The following PCSK5 variants were observed in gnomAD, a reference collection of about 807,000 sequenced individuals.
The protein encoded by PCSK5 is proprotein convertase subtilisin/kexin type 5.
A neutral mutation model predicts 233.2 loss-of-function variants in PCSK5; 129 were observed. The ratio of observed to expected loss-of-function variants is 0.55; its 90% CI spans 0.48 to 0.64. The LOEUF is 0.64. Ranked by LOEUF, PCSK5 falls within the 30% of genes least tolerant of loss-of-function variation. The pLI is 0.00. For missense variants in PCSK5, 2,076 were observed against 2,430.1 expected (o/e 0.85, Z 3.06); for synonymous variants, 825 against 879.2 (o/e 0.94, Z 1.09).
intron 33 of PCSK5, among the ~76,000 whole-genome samples, chr9:76,330,144 T>C (rs1829484207): frequency 6.6e-6 from 1 of 152,172 alleles, no homozygotes; most frequent in Non-Finnish European, 1.5e-5. Flanking sequence ...CTCATCAAAA[T>C]TTCCCCTCCA....
rs775414817 is a variant in PCSK5 at position 76,175,194 on chromosome 9, G to A, written c.1900+65G>A. 25 of 1,432,064 alleles carry A rather than the reference G, an allele frequency of 1.7e-5. No homozygotes were observed. In the African/African-American group the frequency reaches 2.5e-4, roughly 14 times the overall value. 88.7% of individuals were successfully genotyped at this position (1,432,064 alleles called of 1,614,324 possible). Reference sequence around the variant, plus strand: ...AGCTCATGCATCATCCCACCACATGGGAGAACAGAATGGAATGGAATGGAA... The same window carrying A: ...AGCTCATGCATCATCCCACCACATGAGAGAACAGAATGGAATGGAATGGAA... On this transcript the variant is annotated intron_variant, in intron 14 of 37. Coordinates refer to ENST00000674117, the MANE Select transcript of PCSK5 (RefSeq NM_001372043.1).
chr9:76,185,755 T>TATTTATTAACTGTGTG (rs1824073589), intron 17 of PCSK5, among the ~76,000 whole-genome samples: 1 of 152,200 alleles, frequency 6.6e-6, no homozygotes, highest in African/African-American at 2.4e-5. Context: ...CCTCCTCTGC[T>TATTTATTAACTGTGTG]ATTTATTAAC....
At chr9:76,102,642 T>C (rs1403207247) in intron 8 of PCSK5, among the ~76,000 whole-genome samples, 1 of 152,142 alleles carries the variant, frequency 6.6e-6, no homozygotes, top group African/African-American at 2.4e-5. Context: ...TCCCAACTAT[T>C]TTGGGTAAGG....
intron 5 of PCSK5, among the ~76,000 whole-genome samples, chr9:76,047,247 C>T (rs1829451003): frequency 6.6e-6 from 1 of 152,048 alleles, no homozygotes; most frequent in Admixed American, 6.5e-5. Flanking sequence ...CAGGCGCCCG[C>T]CACCATGCCC....
intron 37 of PCSK5, among the ~76,000 whole-genome samples, chr9:76,355,883 T>C (rs1830289275): frequency 6.6e-6 from 1 of 152,036 alleles, no homozygotes; most frequent in African/African-American, 2.4e-5. Context: ...TTTGTATTTT[T>C]AGTACAGAAG....
Position 76,128,610 on chromosome 9 carries a change from A to G in PCSK5, c.1209-5499A>G, listed in dbSNP as rs569125002. Among the ~76,000 whole-genome samples, 4 of 152,312 alleles carry G rather than the reference A, an allele frequency of 2.6e-5. No individual in the cohort carries two copies. The South Asian group carries it at 8.3e-4, about 32-fold the overall frequency. On this transcript the variant is annotated intron_variant, in intron 9 of 37. Transcript: ENST00000674117. ...TCTAAGGAAAAGACACCTCAGCTTC[A>G]ATGACAAAATTTTTCTTTATAAATT...
chr9:76,224,033 C>T (rs1325286840), intron 20 of PCSK5, among the ~76,000 whole-genome samples: 2 of 152,088 alleles, frequency 1.3e-5, no homozygotes, highest in Admixed American at 6.5e-5. Context: ...GCTGTTCTAA[C>T]GTGAAGAGGC....
At chr9:76,257,575 G>T (rs1453801445) in intron 24 of PCSK5, among the ~76,000 whole-genome samples, 2 of 152,162 alleles carry the variant, frequency 1.3e-5, no homozygotes, top group Non-Finnish European at 2.9e-5. Flanking sequence ...GGAAAATTTG[G>T]CTCCAGTCCT....
At chr9:76,068,098 G>T in intron 6 of PCSK5, 55 bp downstream of exon 6, 1 of 1,241,850 alleles carries the variant, frequency 8.1e-7, no homozygotes, top group South Asian at 1.2e-5. Context: ...CTCTTTGGCT[G>T]ACTGGCTTTC....
At chr9:76,046,584 G>A (rs1310157016) in intron 5 of PCSK5, among the ~76,000 whole-genome samples, 10 of 123,708 alleles carry the variant, frequency 8.1e-5, no homozygotes, top group Admixed American at 2.8e-4. Context: ...TTTTTGAGAC[G>A]GAGTGTGGCT....
At chr9:75,950,369 T>A (rs1172192149) in intron 2 of PCSK5, among the ~76,000 whole-genome samples, 1 of 152,148 alleles carries the variant, frequency 6.6e-6, no homozygotes, top group Admixed American at 6.6e-5. Flanking sequence ...GAACCTCACA[T>A]TTTTTCAAGG....
At chr9:75,967,178 C>T (rs1825625634) in intron 2 of PCSK5, among the ~76,000 whole-genome samples, 2 of 151,974 alleles carry the variant, frequency 1.3e-5, no homozygotes, top group Non-Finnish European at 2.9e-5. Context: ...GGGTATATTG[C>T]CTGATGCTGA....
chr9:76,143,445 T>C lies in PCSK5; in HGVS notation c.1312+9233T>C, dbSNP rs949052775. Among the ~76,000 whole-genome samples the C allele has an allele frequency of 2.0e-5, 3 of 152,200 alleles. No individual in the cohort carries two copies. In the South Asian group the frequency reaches 6.2e-4, roughly 32 times the overall value. ...TAGTAATGACTTTCAAACAAGTTGATTCAAGTTGCTAGTCTGATGTCAAAA... is the reference window on the plus strand; with the variant it reads ...TAGTAATGACTTTCAAACAAGTTGACTCAAGTTGCTAGTCTGATGTCAAAA... On this transcript the variant is annotated intron_variant, in intron 10 of 37. Transcript: ENST00000674117.
intron 25 of PCSK5, among the ~76,000 whole-genome samples, chr9:76,292,801 C>A (rs141528167): frequency 6.6e-6 from 1 of 152,172 alleles, no homozygotes; most frequent in Non-Finnish European, 1.5e-5. Flanking sequence ...ATATCGCCCC[C>A]TCTTCCTAGT....
chr9:76,271,725 A>ACAGTT (rs1827519216), intron 24 of PCSK5, among the ~76,000 whole-genome samples: 1 of 152,126 alleles, frequency 6.6e-6, no homozygotes, highest in Non-Finnish European at 1.5e-5. Context: ...GTATTCTCTC[A>ACAGTT]CAGTTCTGGA....
At chr9:76,072,328 T>C (rs1830509504) in intron 7 of PCSK5, among the ~76,000 whole-genome samples, 1 of 152,188 alleles carries the variant, frequency 6.6e-6, no homozygotes, top group African/African-American at 2.4e-5. Flanking sequence ...CCCAGGACAA[T>C]ATTATTTGTG....
intron 6 of PCSK5, among the ~76,000 whole-genome samples, chr9:76,069,632 T>C (rs1181176725): frequency 6.6e-6 from 1 of 152,180 alleles, no homozygotes; most frequent in Non-Finnish European, 1.5e-5. Context: ...GTGAAATTTC[T>C]ATTAGAAAAT....
chr9:76,355,461 A>G (rs1830277224), intron 37 of PCSK5, among the ~76,000 whole-genome samples: 1 of 152,102 alleles, frequency 6.6e-6, no homozygotes, highest in African/African-American at 2.4e-5. Flanking sequence ...TGACAGAGCG[A>G]GACTCCGTCT....
intron 24 of PCSK5, among the ~76,000 whole-genome samples, chr9:76,242,845 G>A (rs973002369): frequency 3.9e-5 from 6 of 152,178 alleles, no homozygotes; most frequent in Non-Finnish European, 7.3e-5. Context: ...GGCTCTCTTG[G>A]CTCTGCTCAG....
Sources: allele counts gnomAD v4.1 joint callset (sites outside exome capture counted in the v4.1 genomes callset), GRCh38; gene constraint gnomAD v4.1.1; transcripts MANE v1.5; gene names NCBI Gene and HGNC (gene_info 2026-07-23, HGNC 2026-07-21).